Variants in COMMD6 observed in about 807,000 individuals in gnomAD.
COMMD6 encodes the protein COMM domain containing 6.
In COMMD6, 11 loss-of-function variants were observed where a neutral mutation model predicts 13.4. That is an observed-to-expected ratio of 0.82 (90% confidence interval 0.52 to 1.36). COMMD6 has a LOEUF of 1.36. COMMD6 is among the 40% of genes most tolerant of loss of function. The pLI, the probability that COMMD6 is intolerant of heterozygous loss-of-function variation, is 0.00. For synonymous variants in COMMD6, 43 were observed against 36.5 expected, an observed-to-expected ratio of 1.18 and a Z score of -0.64; for missense variants, 124 against 102.4, an observed-to-expected ratio of 1.21 and a Z score of -0.91.
chr13:75,534,376 G>A (rs563356885), intron 2 of COMMD6, among the ~76,000 whole-genome samples: 1 of 152,340 alleles, frequency 6.6e-6, no homozygotes, highest in South Asian at 2.1e-4. Context: ...TGCAAAGTCA[G>A]TCTTCACAAT....
At chr13:75,540,679 A>C (rs967920149), upstream of COMMD6, among the ~76,000 whole-genome samples, 3 of 152,222 alleles carry the variant, frequency 2.0e-5, no homozygotes, top group Non-Finnish European at 4.4e-5. Flanking sequence ...GAAAATACAG[A>C]TGTTATCAAT....
intron 1 of COMMD6, among the ~76,000 whole-genome samples, chr13:75,546,072 T>G (rs1462271461): frequency 6.6e-6 from 1 of 152,224 alleles, no homozygotes; most frequent in African/African-American, 2.4e-5. Flanking sequence ...TCACTCTGTA[T>G]GCCTATACCA....
Position 75,526,640 on chromosome 13 carries a change from C to T in COMMD6, c.208-1G>A. On this transcript the variant is annotated splice_acceptor_variant, in intron 3 of 3. Coordinates refer to ENST00000682242, the MANE Select transcript of COMMD6 (RefSeq NM_203495.4). LOFTEE classifies it high-confidence loss of function. ...TTTCCTTGAACTGTCTGTAGAAATT[C>T]TGGAGAGAAAGGGGGAAAATAATAT... is the stretch of plus-strand genomic sequence containing the variant. The T allele has an allele frequency of 6.3e-7, 1 of 1,598,486 alleles. No individual in the cohort carries two copies. Among genetic ancestry groups the T allele is most frequent in the Non-Finnish European group, 8.6e-7 (1 of 1,169,484 alleles).
At chr13:75,530,727 A>G (rs978012888) in intron 2 of COMMD6, among the ~76,000 whole-genome samples, 10 of 152,356 alleles carry the variant, frequency 6.6e-5, no homozygotes, top group African/African-American at 2.4e-4. Context: ...CATGTATTAC[A>G]TACCTCACTG....
At position 75,532,933 on chromosome 13, in the gene COMMD6, G is replaced by T. The variant is rs10467626; in HGVS notation, c.55-2667C>A. ...TCAACTCACTGAAAGTTTTTGTTTT[G>T]TTTTTTTTTTTTTTTGAGATGGAGT... On this transcript the variant is annotated intron_variant, in intron 2 of 3. Coordinates refer to ENST00000682242, the MANE Select transcript of COMMD6 (RefSeq NM_203495.4). 8.4e-3 allele frequency among the ~76,000 whole-genome samples: 1,131 copies of T among 134,556 alleles called. 15 individuals carry two copies. The highest frequency in any genetic ancestry group is 0.027 in the African/African-American group (1,006 of 37,188). 88.3% of individuals were successfully genotyped at this position (134,556 alleles called of 152,430 possible).
In COMMD6 at chr13:75,537,834, C is replaced by G. The variant is rs746031092; in HGVS notation, c.-29G>C. 2.7e-5 allele frequency: 42 copies of G among 1,574,972 alleles called. 1 individual carries two copies. In the South Asian group the frequency reaches 4.7e-4, roughly 17 times the overall value. ...CAGCGTCTGGGACTTGCGGCCCGGA[C>G]TCGAGAGAACGCCCCCAGACCAGCG... On this transcript the variant is annotated 5_prime_UTR_variant, in exon 1 of 4. Coordinates refer to ENST00000682242, the MANE Select transcript of COMMD6 (RefSeq NM_203495.4).
At chr13:75,540,831 A>G (rs1342867353), upstream of COMMD6, among the ~76,000 whole-genome samples, 35 of 152,282 alleles carry the variant, frequency 2.3e-4, 1 homozygote, top group Non-Finnish European at 1.5e-5. Context: ...GCATAGGAAG[A>G]AATCCATAGA....
At chr13:75,538,042 G>T (rs981514891), upstream of COMMD6, 15 of 443,810 alleles carry the variant, frequency 3.4e-5, no homozygotes, top group Non-Finnish European at 6.0e-5. Flanking sequence ...GATACTTTGA[G>T]AAGAGAAGCG....
intron 1 of COMMD6, among the ~76,000 whole-genome samples, chr13:75,545,508 C>T (rs1305871673): frequency 6.6e-6 from 1 of 151,544 alleles, no homozygotes; most frequent in Admixed American, 6.6e-5. Flanking sequence ...GCTCTGTCAC[C>T]CAGGCTGGAG....
At chr13:75,534,386 T>C (rs1044502214) in intron 2 of COMMD6, among the ~76,000 whole-genome samples, 3 of 152,282 alleles carry the variant, frequency 2.0e-5, no homozygotes, top group Middle Eastern at 3.4e-3. Flanking sequence ...GTCTTCACAA[T>C]TGAAAGAAAG....
upstream of COMMD6, among the ~76,000 whole-genome samples, chr13:75,539,901 C>G (rs77721973): frequency 6.2e-3 from 934 of 151,798 alleles, 5 homozygotes; most frequent in Non-Finnish European, 0.011. Flanking sequence ...CTAAGGAAGT[C>G]AGATGAAAAC....
intron 2 of COMMD6, chr13:75,537,422 C>A (rs2030708006): frequency 1.3e-6 from 2 of 1,551,094 alleles, no homozygotes; most frequent in Non-Finnish European, 1.7e-6. Flanking sequence ...AATCAAAGCC[C>A]AACAATCCTT....
upstream of COMMD6, among the ~76,000 whole-genome samples, chr13:75,542,307 G>A (rs1325708238): frequency 1.8e-5 from 1 of 56,900 alleles, no homozygotes; most frequent in Non-Finnish European, 3.8e-5. Flanking sequence ...TTTTTTTTTT[G>A]ATACAGAGTT....
At position 75,537,703 on chromosome 13, in the gene COMMD6, G is replaced by C. The variant is rs2030725890; in HGVS notation, c.43-28C>G. The C allele has an allele frequency of 2.5e-6, 4 of 1,613,976 alleles. No homozygotes were observed. The African/African-American group carries it at 4.0e-5, about 16-fold the overall frequency. ...GAAACGGAAGCAGAAACACAATTTAGAGAAACATCTTTCTTGCTCCAGAGC... is the reference window on the plus strand; with the variant it reads ...GAAACGGAAGCAGAAACACAATTTACAGAAACATCTTTCTTGCTCCAGAGC... On this transcript the variant is annotated intron_variant, in intron 1 of 3. Transcript: ENST00000682242.
At chr13:75,532,255 T>A (rs1321877507) in intron 2 of COMMD6, among the ~76,000 whole-genome samples, 1 of 152,198 alleles carries the variant, frequency 6.6e-6, no homozygotes, top group East Asian at 1.9e-4. Context: ...ACTGTCCATA[T>A]TTTGTGCACT....
At position 75,526,454 on chromosome 13, in the gene COMMD6, T is replaced by G. The variant is rs2030259164; in HGVS notation, c.*135A>C. On this transcript the variant is annotated 3_prime_UTR_variant, in exon 4 of 4. Coordinates refer to ENST00000682242, the MANE Select transcript of COMMD6 (RefSeq NM_203495.4). ...TACCCAGTTCCTGTTTGTCTGATTT[T>G]TATTATTTAAAAAAATGGAAAAACA... 1.5e-6 allele frequency: 1 copy of G among 662,056 alleles called. No individual in the cohort carries two copies. 41.0% of individuals were successfully genotyped at this position (662,056 alleles called of 1,614,324 possible).
At position 75,525,765 on chromosome 13, in the gene COMMD6, C is replaced by G. The variant is rs1173013756; in HGVS notation, c.*824G>C. 6.6e-6 allele frequency: 1 copy of G among 152,202 alleles called. No individual in the cohort carries two copies. The highest frequency in any genetic ancestry group is 1.5e-5 in the Non-Finnish European group (1 of 68,026). 9.4% of individuals were successfully genotyped at this position (152,202 alleles called of 1,614,324 possible). ...AAGAGGGTTTAAATTTCTAATATGG[C>G]GGACCAGAATGTCTTGATCTATTTC... On this transcript the variant is annotated 3_prime_UTR_variant, in exon 4 of 4. Transcript: ENST00000682242.
chr13:75,536,797 AC>A (rs1235465441), intron 2 of COMMD6, among the ~76,000 whole-genome samples: 1 of 152,128 alleles, frequency 6.6e-6, no homozygotes, highest in African/African-American at 2.4e-5. Context: ...AACTTTAAAA[AC>A]CCCATAATTA....
At chr13:75,537,534 G>C (rs2030715545) in intron 2 of COMMD6, 130 bp downstream of exon 2, 3 of 1,588,976 alleles carry the variant, frequency 1.9e-6, no homozygotes, top group Admixed American at 1.8e-5. Flanking sequence ...CAATGCAAGA[G>C]GGACGGCTGA....
Sources: allele counts gnomAD v4.1 joint callset (sites outside exome capture counted in the v4.1 genomes callset), GRCh38; gene constraint gnomAD v4.1.1; transcripts MANE v1.5; gene names NCBI Gene and HGNC (gene_info 2026-07-23, HGNC 2026-07-21).